CSMD2: variants seen among roughly 807,000 people sequenced by gnomAD.
CSMD2 encodes the protein CUB and Sushi multiple domains 2, also known as CUB and sushi domain-containing protein 2.
Under a neutral mutation model 398.5 loss-of-function variants are expected in CSMD2, and 130 were observed. The observed-to-expected ratio is 0.33, with a 90% CI of 0.28 to 0.38. The LOEUF (loss-of-function observed/expected upper bound fraction) is 0.38. Among genes scored for constraint, CSMD2 ranks in the 10% least tolerant of loss-of-function variants. The pLI, the probability that CSMD2 is intolerant of heterozygous loss-of-function variation, is 1.00. For missense variants in CSMD2, 3,829 were observed against 4,764.9 expected (o/e 0.80, Z 5.78); for synonymous variants, 1,828 against 1,908.5 (o/e 0.96, Z 1.10).
intron 1 of CSMD2, among the ~76,000 whole-genome samples, chr1:34,120,068 A>G (rs1044376996): frequency 3.9e-5 from 6 of 152,208 alleles, no homozygotes; most frequent in African/African-American, 1.4e-4. Flanking sequence ...GTACATACAT[A>G]CAATTGAATA....
chr1:34,159,657 GAAT>G (rs1053376230), intron 1 of CSMD2, among the ~76,000 whole-genome samples: 4 of 152,226 alleles, frequency 2.6e-5, no homozygotes, highest in African/African-American at 9.6e-5. Flanking sequence ...TATGAAATGG[GAAT>G]AATAATACTG....
chr1:34,146,475 G>GTC (rs1199491275), intron 1 of CSMD2, among the ~76,000 whole-genome samples: 1 of 152,124 alleles, frequency 6.6e-6, no homozygotes, highest in Non-Finnish European at 1.5e-5. Flanking sequence ...CACTCCCTTT[G>GTC]TCTGACTGAA....
intron 12 of CSMD2, among the ~76,000 whole-genome samples, chr1:33,787,148 C>T (rs1438908986): frequency 2.6e-5 from 4 of 152,188 alleles, no homozygotes; most frequent in Admixed American, 2.0e-4. Flanking sequence ...GGACTCACAG[C>T]CACCACCAGA....
chr1:33,969,510 C>T (rs1645678402), intron 3 of CSMD2, among the ~76,000 whole-genome samples: 1 of 152,190 alleles, frequency 6.6e-6, no homozygotes, highest in Non-Finnish European at 1.5e-5. Flanking sequence ...GTTACAGATG[C>T]CATGCACTAT....
intron 2 of CSMD2, among the ~76,000 whole-genome samples, chr1:34,058,655 GGAGT>G (rs1463811386): frequency 6.6e-6 from 1 of 152,194 alleles, no homozygotes; most frequent in Non-Finnish European, 1.5e-5. Flanking sequence ...ATCTGGGTTT[GGAGT>G]GAGTGTCAGC....
At chr1:33,882,046 C>G (rs560324556) in intron 5 of CSMD2, 2 of 152,308 alleles carry the variant, frequency 1.3e-5, no homozygotes, top group Non-Finnish European at 2.9e-5. Flanking sequence ...CAGCCTCTCA[C>G]TATTCCCTAG....
chr1:33,603,727 G>A (rs1390244965), intron 42 of CSMD2, among the ~76,000 whole-genome samples: 2 of 152,198 alleles, frequency 1.3e-5, no homozygotes, highest in Admixed American at 6.5e-5. Flanking sequence ...TGAATGCCAC[G>A]GGGGTGTTTG....
rs543069582 is a variant in CSMD2, at chr1:33,572,507, G to A, written c.7761C>T (p.Val2587=). The change falls in exon 50 of 71, where the codon GTC becomes GTT. Residue 2587 remains valine, a splice_region_variant and synonymous_variant. Coordinates refer to ENST00000373381, the MANE Select transcript of CSMD2 (RefSeq NM_001281956.2). ...WSNRNVPPQC[V]PVTCPDVSSI... is the part of the protein sequence containing the mutation. ...CGCCTCCATTGCCCGAGGACTCACG[G>A]ACACACTGTGGTGGGACATTGCGGT... The A allele has an allele frequency of 5.6e-6, 9 of 1,595,852 alleles. No individual in the cohort carries two copies. The highest frequency in any genetic ancestry group is 1.3e-5 in the African/African-American group (1 of 74,432).
chr1:33,957,931 G>A (rs1645221317), intron 3 of CSMD2, among the ~76,000 whole-genome samples: 1 of 28,498 alleles, frequency 3.5e-5, no homozygotes, highest in East Asian at 6.7e-4. Context: ...CTCAGTCACT[G>A]TGTGTGTGTG....
chr1:33,809,697 T>C (rs1656631888), intron 10 of CSMD2, among the ~76,000 whole-genome samples: 4 of 151,172 alleles, frequency 2.6e-5, no homozygotes, highest in African/African-American at 9.7e-5. Flanking sequence ...GGCAAGAAAA[T>C]AAAAAAGAAA....
intron 5 of CSMD2, among the ~76,000 whole-genome samples, chr1:33,848,810 G>GTTTT (rs35897729): frequency 7.0e-6 from 1 of 142,724 alleles, no homozygotes; most frequent in Non-Finnish European, 1.5e-5. Flanking sequence ...CGTATTGTGG[G>GTTTT]TTTTTTTTTT....
upstream of CSMD2, chr1:34,165,623 C>T: frequency 1.2e-6 from 1 of 834,446 alleles, no homozygotes; most frequent in Non-Finnish European, 2.0e-6. Flanking sequence ...CACACAGTGA[C>T]AGAGACACAC....
At chr1:33,997,246 A>G (rs1454748089) in intron 3 of CSMD2, among the ~76,000 whole-genome samples, 1 of 152,200 alleles carries the variant, frequency 6.6e-6, no homozygotes, top group Non-Finnish European at 1.5e-5. Flanking sequence ...GGCTGGGATC[A>G]TGTGGCAGAT....
intron 6 of CSMD2, among the ~76,000 whole-genome samples, chr1:33,833,103 A>G (rs2125042206): frequency 7.1e-6 from 1 of 140,494 alleles, no homozygotes; most frequent in African/African-American, 2.8e-5. Context: ...TCCTTCTGAA[A>G]CTATTCCAAT....
chr1:33,702,271 A>C lies in CSMD2; in HGVS notation c.3577-1598T>G, dbSNP rs116735852. Among the ~76,000 whole-genome samples, 734 of 152,312 alleles carry C rather than the reference A, an allele frequency of 4.8e-3. 3 individuals carry two copies. Among genetic ancestry groups the C allele is most frequent in the Non-Finnish European group, 6.8e-3 (463 of 68,022 alleles). On this transcript the variant is annotated intron_variant, in intron 22 of 70. Transcript: ENST00000373381. ...CCTGATTCAAATAAACTATAAATTT[A>C]AAAAATATTATGACATCTATGAGAT...
At chr1:33,548,133 AGAAGCCTGTACAGCCT>A (rs1471578286) in intron 56 of CSMD2, among the ~76,000 whole-genome samples, 6 of 152,222 alleles carry the variant, frequency 3.9e-5, no homozygotes, top group Admixed American at 6.5e-5. Flanking sequence ...TCCCAGAGGC[AGAAGCCTGTACAGCCT>A]GCAGAACTGT....
chr1:33,620,140 C>A (rs1421888744), intron 37 of CSMD2, among the ~76,000 whole-genome samples: 3 of 152,190 alleles, frequency 2.0e-5, no homozygotes, highest in African/African-American at 7.2e-5. Flanking sequence ...GCCATGCTTA[C>A]AACAAAGGAA....
Position 33,622,191 on chromosome 1 carries a change from C to A in CSMD2, c.5803G>T (p.Ala1935Ser), listed in dbSNP as rs137880198. 5 of 1,613,898 alleles carry A rather than the reference C, an allele frequency of 3.1e-6. No homozygotes were observed. Among genetic ancestry groups the A allele is most frequent in the Non-Finnish European group, 3.4e-6 (4 of 1,179,756 alleles). ...CTTTTGTACTCCAAGTGGAAGCCAG[C>A]TGCAGATACGCTGATATCTGAGTAG... ...HFYSDISVSAAGFHLEYKTVG... is the reference protein window; with the variant it reads ...HFYSDISVSASGFHLEYKTVG... The change falls in exon 37 of 71, where the codon GCT becomes TCT. Residue 1935 changes from alanine (A) to serine (S), a missense_variant. Transcript: ENST00000373381.
At chr1:34,152,995 C>T (rs866013424) in intron 1 of CSMD2, among the ~76,000 whole-genome samples, 1 of 152,156 alleles carries the variant, frequency 6.6e-6, no homozygotes. Context: ...TATTTATTTG[C>T]CCTTTTGTAA....
Sources: allele counts gnomAD v4.1 joint callset (sites outside exome capture counted in the v4.1 genomes callset), GRCh38; gene constraint gnomAD v4.1.1; transcripts MANE v1.5; gene names NCBI Gene and HGNC (gene_info 2026-07-23, HGNC 2026-07-21).